LRRC7: variants seen among roughly 807,000 people sequenced by gnomAD.
LRRC7 encodes the protein leucine-rich repeat-containing protein 7.
In LRRC7, 23 loss-of-function variants were observed where a neutral mutation model predicts 175.7. That is an observed-to-expected ratio of 0.13 (90% confidence interval 0.09 to 0.19). The LOEUF is 0.19. LRRC7 is among the 10% of genes least tolerant of loss of function. The probability of loss-of-function intolerance (pLI) is 1.00; values close to 1 mark genes in which losing one functional copy is unlikely to be tolerated. For missense variants in LRRC7, 1,354 were observed against 1,904.7 expected (o/e 0.71, Z 5.38); for synonymous variants, 685 against 680.9 (o/e 1.01, Z -0.09).
At chr1:69,711,683 C>T (rs906439697) in intron 2 of LRRC7, among the ~76,000 whole-genome samples, 1 of 152,130 alleles carries the variant, frequency 6.6e-6, no homozygotes, top group Non-Finnish European at 1.5e-5. Context: ...TTTACCGTGT[C>T]GTCATGGCTC....
At chr1:69,979,710 G>T (rs1275803714) in intron 8 of LRRC7, among the ~76,000 whole-genome samples, 2 of 152,018 alleles carry the variant, frequency 1.3e-5, no homozygotes, top group African/African-American at 4.8e-5. Flanking sequence ...ATTATTCATT[G>T]ACAAAATGAA....
chr1:69,957,603 A>G (rs949869734), intron 8 of LRRC7, among the ~76,000 whole-genome samples: 1 of 151,820 alleles, frequency 6.6e-6, no homozygotes, highest in East Asian at 1.9e-4. Flanking sequence ...AAAGAATTCA[A>G]ATTTTGAATT....
chr1:69,743,170 G>T (rs1169951266), intron 2 of LRRC7, among the ~76,000 whole-genome samples: 1 of 151,976 alleles, frequency 6.6e-6, no homozygotes, highest in Non-Finnish European at 1.5e-5. Flanking sequence ...AAGAATTCTA[G>T]AATTGTCTGT....
chr1:70,084,191 C>A (rs1663430428), intron 24 of LRRC7, among the ~76,000 whole-genome samples: 1 of 152,012 alleles, frequency 6.6e-6, no homozygotes, highest in African/African-American at 2.4e-5. Context: ...CAGTAAAGTT[C>A]ATCTGCTTAA....
chr1:69,690,160 C>T (rs1661661520), intron 2 of LRRC7, among the ~76,000 whole-genome samples: 1 of 152,166 alleles, frequency 6.6e-6, no homozygotes, highest in African/African-American at 2.4e-5. Flanking sequence ...TCCTGAGATG[C>T]TACATAGGAT....
rs535614293 is a variant in LRRC7, at chr1:69,827,456, C to T, written c.500+1630C>T. 4.6e-5 allele frequency among the ~76,000 whole-genome samples: 7 copies of T among 152,170 alleles called. No individual in the cohort carries two copies. The South Asian group carries it at 1.5e-3, about 32-fold the overall frequency. On this transcript the variant is annotated intron_variant, in intron 5 of 26. Transcript: ENST00000651989. ...CAGCAAAAATGCATAACACTGTAAA[C>T]ATTAAACAGTTTTGAAATTCATAAA...
At chr1:69,842,670 A>T in intron 7 of LRRC7, among the ~76,000 whole-genome samples, 1 of 152,118 alleles carries the variant, frequency 6.6e-6, no homozygotes, top group East Asian at 1.9e-4. Context: ...GAATGCTAAG[A>T]GTTGTTGGAA....
In LRRC7 at chr1:69,680,940, CTCTT is replaced by C. The variant is rs544860964; in HGVS notation, c.100+2463_100+2466del. Among the ~76,000 whole-genome samples the C allele has an allele frequency of 1.9e-3, 283 of 152,072 alleles. 1 individual carries two copies. The highest frequency in any genetic ancestry group is 3.6e-3 in the Non-Finnish European group (242 of 67,946). ...TAGGATGTAGCGAGTTTTCTTTTCT[CTCTT>C]CTCTTTTTCTGTCTCTTTCTTTAAT... On this transcript the variant is annotated intron_variant, in intron 2 of 26. Coordinates refer to ENST00000651989, the MANE Select transcript of LRRC7 (RefSeq NM_001370785.2).
intron 2 of LRRC7, among the ~76,000 whole-genome samples, chr1:69,690,538 A>G (rs1661725075): frequency 6.6e-6 from 1 of 152,140 alleles, no homozygotes; most frequent in African/African-American, 2.4e-5. Context: ...CCCTTTTTAC[A>G]CCCTTCCTTT....
At chr1:69,856,570 T>C (rs1351619212) in intron 7 of LRRC7, among the ~76,000 whole-genome samples, 7 of 152,106 alleles carry the variant, frequency 4.6e-5, no homozygotes, top group Non-Finnish European at 8.8e-5. Flanking sequence ...CAGGAAGAAA[T>C]TGAATCCCTG....
intron 1 of LRRC7, among the ~76,000 whole-genome samples, chr1:69,666,056 G>C (rs1039149951): frequency 2.0e-5 from 3 of 151,966 alleles, no homozygotes; most frequent in Admixed American, 6.6e-5. Flanking sequence ...GTTATCAAAT[G>C]CTTCTTTAGC....
intron 18 of LRRC7, among the ~76,000 whole-genome samples, chr1:70,030,004 T>C (rs983173420): frequency 2.2e-4 from 34 of 152,328 alleles, no homozygotes; most frequent in African/African-American, 8.2e-4. Context: ...AGAGATGTCC[T>C]GATTTCTTTC....
intron 1 of LRRC7, among the ~76,000 whole-genome samples, chr1:69,568,992 C>G (rs1346254673): frequency 1.3e-5 from 2 of 152,104 alleles, no homozygotes; most frequent in African/African-American, 4.8e-5. Flanking sequence ...TTTAGCTCCT[C>G]GTTATTATCT....
At position 69,718,142 on chromosome 1, in the gene LRRC7, GAGAAAGAA is replaced by G. The variant is rs761585823; in HGVS notation, c.100+39689_100+39696del. 1.3e-3 allele frequency among the ~76,000 whole-genome samples: 97 copies of G among 73,762 alleles called. 1 individual carries two copies. Among genetic ancestry groups the G allele is most frequent in the East Asian group, 0.013 (31 of 2,426 alleles). 48.4% of individuals were successfully genotyped at this position (73,762 alleles called of 152,430 possible). A position where few individuals can be genotyped will look rare whatever the true frequency, so the allele number is the denominator to read the frequency against. On this transcript the variant is annotated intron_variant, in intron 2 of 26. Coordinates refer to ENST00000651989, the MANE Select transcript of LRRC7 (RefSeq NM_001370785.2). ...GAAAGAAAGAAAAGAAAGAAAGAGA[GAGAAAGAA>G]AGAAAGAAAGAAAGAAAGAAAGAAG...
intron 7 of LRRC7, among the ~76,000 whole-genome samples, chr1:69,915,515 A>T (rs1646659070): frequency 6.6e-6 from 1 of 152,150 alleles, no homozygotes; most frequent in Admixed American, 6.6e-5. Context: ...AGAAAGAAAA[A>T]GTTCCTTGGT....
chr1:69,891,792 A>C (rs926884699), intron 7 of LRRC7, among the ~76,000 whole-genome samples: 2 of 152,176 alleles, frequency 1.3e-5, no homozygotes, highest in Admixed American at 6.5e-5. Context: ...ATAAAGGAAA[A>C]GTTTAATATT....
chr1:69,715,706 A>G (rs1172346087), intron 2 of LRRC7, among the ~76,000 whole-genome samples: 1 of 152,014 alleles, frequency 6.6e-6, no homozygotes, highest in Admixed American at 6.6e-5. Flanking sequence ...TTATCGATTC[A>G]GAATAATTAG....
At chr1:69,818,253 ATATGTGG>A (rs1374131924) in intron 4 of LRRC7, among the ~76,000 whole-genome samples, 3 of 152,068 alleles carry the variant, frequency 2.0e-5, no homozygotes, top group African/African-American at 7.2e-5. Flanking sequence ...TAGTGTTGTC[ATATGTGG>A]CTTTTATTGT....
intron 2 of LRRC7, among the ~76,000 whole-genome samples, chr1:69,709,702 G>A (rs1664503442): frequency 4.6e-5 from 7 of 152,186 alleles, no homozygotes. Context: ...AGAGAGTTGT[G>A]TTATAGGAAA....
Sources: allele counts gnomAD v4.1 joint callset (sites outside exome capture counted in the v4.1 genomes callset), GRCh38; gene constraint gnomAD v4.1.1; transcripts MANE v1.5; gene names NCBI Gene and HGNC (gene_info 2026-07-23, HGNC 2026-07-21).